PARP14: variants seen among roughly 807,000 people sequenced by gnomAD.
The protein encoded by PARP14 is poly(ADP-ribose) polymerase family member 14, also known as protein mono-ADP-ribosyltransferase PARP14.
A neutral mutation model predicts 154.2 loss-of-function variants in PARP14; 59 were observed. The observed-to-expected ratio is 0.38, with a 90% CI of 0.31 to 0.48. The LOEUF (loss-of-function observed/expected upper bound fraction) is 0.48. PARP14 is among the 20% of genes least tolerant of loss of function. The probability of loss-of-function intolerance (pLI) is 0.98; values close to 1 mark genes in which losing one functional copy is unlikely to be tolerated. For missense variants in PARP14, 1,734 were observed against 2,131.6 expected (o/e 0.81, Z 3.67); for synonymous variants, 720 against 780.5 (o/e 0.92, Z 1.29).
chr3:122,690,170 GA>G (rs774444041), intron 3 of PARP14, among the ~76,000 whole-genome samples: 6 of 152,074 alleles, frequency 3.9e-5, no homozygotes, highest in Admixed American at 6.6e-5. Context: ...GTCTAATATT[GA>G]TGGGATTATA....
Position 122,713,416 on chromosome 3 carries a change from C to G in PARP14, c.3620-8C>G. The G allele has an allele frequency of 6.2e-7, 1 of 1,604,778 alleles. No homozygotes were observed. ...CTCGGTTATTGACTTTACTTCTTTTCTTTTCAGGTTTTTATGGGACTGTTT... is the reference window on the plus strand; with the variant it reads ...CTCGGTTATTGACTTTACTTCTTTTGTTTTCAGGTTTTTATGGGACTGTTT... On this transcript the variant is annotated splice_region_variant and splice_polypyrimidine_tract_variant and intron_variant, in intron 9 of 16. Transcript: ENST00000474629.
intron 3 of PARP14, among the ~76,000 whole-genome samples, chr3:122,687,490 G>A (rs985129301): frequency 2.0e-5 from 3 of 152,210 alleles, no homozygotes; most frequent in Non-Finnish European, 4.4e-5. Context: ...GATGAGCACT[G>A]CTTCCTGAGC....
rs1229153607 is a variant in PARP14, at chr3:122,700,736, G to A, written c.2182G>A (p.Val728Met). 6.2e-7 allele frequency: 1 copy of A among 1,613,170 alleles called. No individual in the cohort carries two copies. The highest frequency in any genetic ancestry group is 1.3e-5 in the African/African-American group (1 of 74,932). ...TGSKTEVLKA[V>M]DIVKQVWDSV... ...CTCAAAGACCGAAGTACTGAAGGCA[G>A]TGGACATTGTCAAGCAAGTCTGGGA... The change falls in exon 6 of 17, where the codon GTG becomes ATG. Residue 728 changes from valine to methionine, a missense_variant. This residue lies in a region of PARP14 where 1,646 missense variants were observed against 1,976.0 expected (regional missense o/e 0.83). Transcript: ENST00000474629.
chr3:122,698,734 G>A (rs892195369), intron 5 of PARP14, among the ~76,000 whole-genome samples: 2 of 152,176 alleles, frequency 1.3e-5, no homozygotes, highest in Non-Finnish European at 2.9e-5. Context: ...TCAGAATAGT[G>A]TGTGACACAT....
In PARP14 at chr3:122,701,130, T is replaced by C. The variant is rs1342007585; in HGVS notation, c.2576T>C (p.Leu859Pro). 2 of 1,613,662 alleles carry C rather than the reference T, an allele frequency of 1.2e-6. No individual in the cohort carries two copies. The highest frequency in any genetic ancestry group is 1.7e-6 in the Non-Finnish European group (2 of 1,179,870). ...CAGATAGTGAAGAGAGAGGGCAGAC[T>C]CCTACCGGGCAATGCCACCATCTCC... ...CDQIVKREGR[L>P]LPGNATISKA... is the part of the protein sequence containing the mutation. The change falls in exon 6 of 17, where the codon CTC (leucine) becomes CCC (proline). Residue 859 changes from leucine (L) to proline (P), a missense_variant. Transcript: ENST00000474629. This position sits in a 1 kb window ranked among gnomAD's most constrained non-coding sequence, Gnocchi z 4.0.
intron 9 of PARP14, among the ~76,000 whole-genome samples, chr3:122,710,190 A>C (rs1322519841): frequency 6.6e-6 from 1 of 151,950 alleles, no homozygotes; most frequent in Non-Finnish European, 1.5e-5. Flanking sequence ...TTATGGTTTC[A>C]GGTCTTAAAT....
chr3:122,716,315 T>C (rs1376736749), intron 12 of PARP14, among the ~76,000 whole-genome samples: 1 of 152,172 alleles, frequency 6.6e-6, no homozygotes, highest in South Asian at 2.1e-4. Context: ...GTGAAAAACA[T>C]CACTTTCCAT....
Position 122,700,893 on chromosome 3 carries a change from T to C in PARP14, c.2339T>C (p.Val780Ala). The C allele has an allele frequency of 6.2e-7, 1 of 1,613,970 alleles. No homozygotes were observed. Among genetic ancestry groups the C allele is most frequent in the African/African-American group, 1.3e-5 (1 of 75,048 alleles). ...TACATTGAACTACAGGAGAATGAAG[T>C]AATGAAGGAGGGAGGCAGCCCCGCT... is the stretch of plus-strand genomic sequence containing the variant. ...GCYIELQENE[V>A]MKEGGSPAGQ... Residue 780 changes from valine (V) to alanine (A), a missense_variant, in exon 6 of 17, where the codon GTA (valine) becomes GCA (alanine). Coordinates refer to ENST00000474629, the MANE Select transcript of PARP14 (RefSeq NM_017554.3).
At chr3:122,715,062 A>C (rs1240663329) in intron 12 of PARP14, among the ~76,000 whole-genome samples, 1 of 150,992 alleles carries the variant, frequency 6.6e-6, no homozygotes, top group African/African-American at 2.4e-5. Context: ...GTGATTTTTC[A>C]TATATAAGGA....
chr3:122,700,136 G>T lies in PARP14; in HGVS notation c.1582G>T (p.Val528Leu). 6.2e-7 allele frequency: 1 copy of T among 1,613,700 alleles called. No homozygotes were observed. The highest frequency in any genetic ancestry group is 1.7e-5 in the Admixed American group (1 of 59,956). ...AGCAAAGTGTGAAATCCAGGAAAAG[G>T]TGTACACCATGGCTCAGAAAAACAT... Reference protein sequence around the residue: ...YKAKCEIQEKVYTMAQKNIQV... With the variant: ...YKAKCEIQEKLYTMAQKNIQV... The change falls in exon 6 of 17, where the codon GTG becomes TTG. Residue 528 changes from valine (V) to leucine (L), a missense_variant. Val to Leu is a conservative substitution (Grantham distance 32, BLOSUM62 1). Around this residue, in one of 2 missense-constraint regions of PARP14, gnomAD observed 1,646 missense variants for 1,976.0 expected, o/e 0.83. Coordinates refer to ENST00000474629, the MANE Select transcript of PARP14 (RefSeq NM_017554.3).
In PARP14 at chr3:122,729,847, A is replaced by G. The variant is rs1298050042; in HGVS notation, c.*1250A>G. 6.6e-6 allele frequency: 1 copy of G among 152,228 alleles called. No individual in the cohort carries two copies. The highest frequency in any genetic ancestry group is 1.9e-4 in the East Asian group (1 of 5,208). 9.4% of individuals were successfully genotyped at this position (152,228 alleles called of 1,614,324 possible). ...AGATTAAATGAACTCTAAGATTATT[A>G]AATAGTATATTTTCCTTGACAGCCT... On this transcript the variant is annotated 3_prime_UTR_variant, in exon 17 of 17. Transcript: ENST00000474629.
intron 15 of PARP14, among the ~76,000 whole-genome samples, chr3:122,726,735 T>G (rs1933297379): frequency 6.6e-6 from 1 of 152,032 alleles, no homozygotes; most frequent in South Asian, 2.1e-4. Context: ...CTTTTTAAAT[T>G]TAAGAATTAA....
chr3:122,688,557 G>A (rs1475562901), intron 3 of PARP14, among the ~76,000 whole-genome samples: 4 of 151,190 alleles, frequency 2.6e-5, no homozygotes. Context: ...TACTTAAGTT[G>A]GCTCCTTTAA....
rs1939040105 is a variant in PARP14, at chr3:122,703,140, A to G, written c.3082-602A>G. 2.6e-5 allele frequency among the ~76,000 whole-genome samples: 4 copies of G among 152,002 alleles called. 1 individual carries two copies. The South Asian group carries it at 8.3e-4, about 32-fold the overall frequency. On this transcript the variant is annotated intron_variant, in intron 6 of 16. Coordinates refer to ENST00000474629, the MANE Select transcript of PARP14 (RefSeq NM_017554.3). ...TAGTGACCCAGGCAGGGCAGCTTTG[A>G]AAATCACTTGGTTACATTCCCTCTC...
At chr3:122,713,358 G>A (rs537951008) in intron 9 of PARP14, 66 bp from the exon 10 acceptor site, 2 of 1,393,896 alleles carry the variant, frequency 1.4e-6, no homozygotes, top group Non-Finnish European at 2.0e-6. Flanking sequence ...TCCCATGTGA[G>A]CAGGATACCC....
chr3:122,701,499 T>TG lies in PARP14; in HGVS notation c.2946dup (p.Pro983AlafsTer45), dbSNP rs1560063706. 6.2e-7 allele frequency: 1 copy of TG among 1,613,744 alleles called. No homozygotes were observed. The highest frequency in any genetic ancestry group is 8.5e-7 in the Non-Finnish European group (1 of 1,179,720). On this transcript the variant is annotated frameshift_variant, in exon 6 of 17. Transcript: ENST00000474629. LOFTEE classifies it high-confidence loss of function. The surrounding 1 kb of genome is among the most constrained non-coding windows in gnomAD (Gnocchi z 4.0). ...GTGAAAACTGTATTTAAAGCCACCC[T>TG]GCCAGATACAGCTGCCCCGCCAGGT...
chr3:122,715,766 G>T (rs1190610978), intron 12 of PARP14, among the ~76,000 whole-genome samples: 1 of 151,986 alleles, frequency 6.6e-6, no homozygotes, highest in African/African-American at 2.4e-5. Flanking sequence ...CTCTAGTCTT[G>T]GGTTTCCACC....
intron 9 of PARP14, among the ~76,000 whole-genome samples, chr3:122,710,001 C>T (rs564696113): frequency 6.6e-6 from 1 of 152,072 alleles, no homozygotes; most frequent in South Asian, 2.1e-4. Context: ...TATTTTCTCC[C>T]ATTCTGTGGA....
Position 122,690,754 on chromosome 3 carries a change from C to T in PARP14, c.356-1547C>T, listed in dbSNP as rs1321396476. Among the ~76,000 whole-genome samples the T allele has an allele frequency of 9.2e-5, 14 of 152,274 alleles. No individual in the cohort carries two copies. The East Asian group carries it at 1.3e-3, about 15-fold the overall frequency. The stretch of plus-strand genomic sequence containing the variant: ...CTGGAACTCCTGATGTCAAGTGATC[C>T]GCCTGCCTCGTTCTCCCAAAGTGCT... On this transcript the variant is annotated intron_variant, in intron 3 of 16. Coordinates refer to ENST00000474629, the MANE Select transcript of PARP14 (RefSeq NM_017554.3).
Sources: allele counts gnomAD v4.1 joint callset (sites outside exome capture counted in the v4.1 genomes callset), GRCh38; gene constraint gnomAD v4.1.1; regional missense constraint gnomAD v4.1.1; non-coding constraint Gnocchi (gnomAD v3.1); transcripts MANE v1.5; gene names NCBI Gene and HGNC (gene_info 2026-07-23, HGNC 2026-07-21).